The following ADK variants were observed in gnomAD, a reference collection of about 807,000 sequenced individuals.
The protein encoded by ADK is adenosine kinase.
Under a neutral mutation model 44.7 loss-of-function variants are expected in ADK, and 24 were observed. The ratio of observed to expected loss-of-function variants is 0.54; its 90% CI spans 0.39 to 0.76. The LOEUF (loss-of-function observed/expected upper bound fraction) is 0.76, where lower values mean the gene tolerates loss of function less well. Among genes scored for constraint, ADK ranks in the 30% least tolerant of loss-of-function variants. ADK has a pLI of 0.00. For synonymous variants in ADK, 128 were observed against 142.6 expected, an observed-to-expected ratio of 0.90 and a Z score of 0.73; for missense variants, 321 against 425.1, an observed-to-expected ratio of 0.76 and a Z score of 2.15.
intron 4 of ADK, among the ~76,000 whole-genome samples, chr10:74,328,857 C>T (rs1183277859): frequency 6.6e-6 from 1 of 151,796 alleles, no homozygotes; most frequent in African/African-American, 2.4e-5. Flanking sequence ...TGGACTAATA[C>T]ACTGTTCTCA....
chr10:74,409,350 A>T (rs1442132687), intron 6 of ADK, among the ~76,000 whole-genome samples: 1 of 152,192 alleles, frequency 6.6e-6, no homozygotes, highest in East Asian at 1.9e-4. Context: ...TAAGAAATAG[A>T]TTTTAACAAA....
At chr10:74,362,183 T>A (rs1842355525) in intron 4 of ADK, among the ~76,000 whole-genome samples, 1 of 152,178 alleles carries the variant, frequency 6.6e-6, no homozygotes, top group African/African-American at 2.4e-5. Context: ...CAGTCCTTCT[T>A]TGACTTCAGT....
At chr10:74,631,242 G>T (rs1321690255) in intron 9 of ADK, among the ~76,000 whole-genome samples, 2 of 151,058 alleles carry the variant, frequency 1.3e-5, no homozygotes, top group Non-Finnish European at 2.9e-5. Context: ...GCGTGTGTGT[G>T]TGTGTGTATG....
intron 6 of ADK, among the ~76,000 whole-genome samples, chr10:74,415,710 C>G (rs1018080799): frequency 5.9e-5 from 9 of 152,086 alleles, no homozygotes; most frequent in Non-Finnish European, 1.2e-4. Flanking sequence ...TTAGAACATT[C>G]ACATCACCAC....
intron 3 of ADK, among the ~76,000 whole-genome samples, chr10:74,308,493 A>C (rs755554268): frequency 6.6e-6 from 1 of 152,154 alleles, no homozygotes. Context: ...AAAGATTTCA[A>C]AGCTTTGAAT....
rs1001061273 is a variant in ADK at position 74,282,011 on chromosome 10, A to G, written c.195-32656A>G. The stretch of plus-strand genomic sequence containing the variant: ...GAAATATGCACATTTTCTTCATGAA[A>G]TTGGTTTTCTTTTTTATGTGTGACT... On this transcript the variant is annotated intron_variant, in intron 3 of 10. Transcript: ENST00000539909. Among the ~76,000 whole-genome samples, 3 of 152,048 alleles carry G rather than the reference A, an allele frequency of 2.0e-5. No homozygotes were observed. In the South Asian group the frequency reaches 6.2e-4, roughly 31 times the overall value.
At chr10:74,412,863 G>T (rs1844234078) in intron 6 of ADK, among the ~76,000 whole-genome samples, 1 of 152,144 alleles carries the variant, frequency 6.6e-6, no homozygotes, top group Non-Finnish European at 1.5e-5. Context: ...TTCGAGACCA[G>T]CCTGGTCGAC....
intron 9 of ADK, chr10:74,655,310 A>T (rs942453451): frequency 4.5e-6 from 2 of 448,628 alleles, no homozygotes; most frequent in Non-Finnish European, 4.2e-6. Context: ...TGATGAAGAA[A>T]AAAGGAACTG....
chr10:74,450,390 T>A (rs939277381), intron 6 of ADK, among the ~76,000 whole-genome samples: 3 of 152,184 alleles, frequency 2.0e-5, no homozygotes, highest in Admixed American at 2.0e-4. Context: ...CTCTCTCTGT[T>A]CCTCCACTAG....
intron 7 of ADK, among the ~76,000 whole-genome samples, chr10:74,571,403 G>T (rs1365188199): frequency 6.6e-6 from 1 of 152,196 alleles, no homozygotes; most frequent in Non-Finnish European, 1.5e-5. Flanking sequence ...ATTCAGCTGT[G>T]AATCCATCTG....
chr10:74,511,817 G>A (rs879298772), intron 6 of ADK, among the ~76,000 whole-genome samples: 3 of 152,086 alleles, frequency 2.0e-5, no homozygotes, highest in Non-Finnish European at 4.4e-5. Flanking sequence ...AATTGCTGTG[G>A]CTAGTACTTC....
At chr10:74,432,034 T>C (rs1317362604) in intron 6 of ADK, among the ~76,000 whole-genome samples, 1 of 151,830 alleles carries the variant, frequency 6.6e-6, no homozygotes, top group South Asian at 2.1e-4. Flanking sequence ...TCTACCAAAA[T>C]AATAATAATA....
chr10:74,333,525 G>C (rs926955832), intron 4 of ADK, among the ~76,000 whole-genome samples: 1 of 152,080 alleles, frequency 6.6e-6, no homozygotes, highest in African/African-American at 2.4e-5. Context: ...ATGAACAATG[G>C]CAATTTAATA....
At chr10:74,179,628 C>T (rs117343087) in intron 1 of ADK, among the ~76,000 whole-genome samples, 1,641 of 152,228 alleles carry the variant, frequency 0.011, 29 homozygotes, top group Non-Finnish European at 0.012. Flanking sequence ...TCAGACCTTA[C>T]CCTATATAGT....
At chr10:74,530,286 T>C (rs1169644775) in intron 7 of ADK, among the ~76,000 whole-genome samples, 1 of 152,134 alleles carries the variant, frequency 6.6e-6, no homozygotes, top group Non-Finnish European at 1.5e-5. Context: ...GGATAAAATA[T>C]AGTTATCAGA....
At chr10:74,342,389 A>G (rs1465687331) in intron 4 of ADK, among the ~76,000 whole-genome samples, 1 of 152,160 alleles carries the variant, frequency 6.6e-6, no homozygotes, top group South Asian at 2.1e-4. Context: ...TTTCTTTTTG[A>G]TGCTATTGTA....
intron 10 of ADK, among the ~76,000 whole-genome samples, chr10:74,676,090 T>C (rs1428682875): frequency 6.6e-6 from 1 of 151,354 alleles, no homozygotes; most frequent in African/African-American, 2.4e-5. Context: ...AAAAGCCACG[T>C]ATAGATTAGA....
intron 6 of ADK, among the ~76,000 whole-genome samples, chr10:74,403,755 C>T (rs535450503): frequency 6.6e-6 from 1 of 152,260 alleles, no homozygotes; most frequent in African/African-American, 2.4e-5. Context: ...ATCCACTGTC[C>T]GACAAGCCCC....
At chr10:74,371,637 G>C (rs1431868990) in intron 4 of ADK, 1 of 999,702 alleles carries the variant, frequency 1.0e-6, no homozygotes, top group Admixed American at 1.7e-5. Flanking sequence ...CTTCCAGATG[G>C]AACAGTACAT....
Sources: allele counts gnomAD v4.1 joint callset (sites outside exome capture counted in the v4.1 genomes callset), GRCh38; gene constraint gnomAD v4.1.1; transcripts MANE v1.5; gene names NCBI Gene and HGNC (gene_info 2026-07-23, HGNC 2026-07-21).